Variants in PALMD observed in about 807,000 individuals in gnomAD.
The protein encoded by PALMD is paralemmin-like protein.
PALMD carries 42 observed loss-of-function variants against 56.2 expected under a neutral mutation model. The observed-to-expected ratio is 0.75, with a 90% CI of 0.58 to 0.97. PALMD has a LOEUF of 0.97. PALMD is among the 50% of genes least tolerant of loss of function. The pLI is 0.00. For synonymous variants in PALMD, 242 were observed against 222.9 expected (o/e 1.09, Z -0.76); for missense variants, 660 against 643.8 (o/e 1.03, Z -0.27).
At position 99,688,811 on chromosome 1, in the gene PALMD, T is replaced by C; in HGVS notation, c.551T>C (p.Leu184Ser). The change falls in exon 7 of 8, where the codon TTG becomes TCG. Residue 184 changes from leucine to serine, a missense_variant. By Grantham distance (145) the Leu-to-Ser change is moderately radical. Coordinates refer to ENST00000263174, the MANE Select transcript of PALMD (RefSeq NM_017734.5). The part of the protein sequence containing the change: ...YAMEIKVEKD[L>S]KTGESTVLSS... ...ATGGAAATTAAAGTTGAAAAAGACTTGAAGACTGGAGAAAGTACAGTTCTG... is the reference window on the plus strand; with the variant it reads ...ATGGAAATTAAAGTTGAAAAAGACTCGAAGACTGGAGAAAGTACAGTTCTG... 1.2e-6 allele frequency: 2 copies of C among 1,608,418 alleles called. No individual in the cohort carries two copies.
chr1:99,659,146 A>T (rs1187232728), intron 1 of PALMD, among the ~76,000 whole-genome samples: 1 of 152,240 alleles, frequency 6.6e-6, no homozygotes, highest in African/African-American at 2.4e-5. Flanking sequence ...AATCAATAAT[A>T]TAACTAAAAT....
Position 99,670,658 on chromosome 1 carries a change from C to CAA in PALMD, c.251+2900_251+2901dup, listed in dbSNP as rs201906609. Among the ~76,000 whole-genome samples the CAA allele has an allele frequency of 4.5e-3, 665 of 148,794 alleles. 9 individuals are homozygous for CAA. The highest frequency in any genetic ancestry group is 0.015 in the African/African-American group (629 of 40,684). On this transcript the variant is annotated intron_variant, in intron 3 of 7. Transcript: ENST00000263174. The stretch of plus-strand genomic sequence containing the variant: ...GAATGATCCTAAAAAGATGTATTTG[C>CAA]AAAAAAAAATAGTAAAGAATTTGTT...
At chr1:99,653,742 A>G (rs1571059165) in intron 1 of PALMD, among the ~76,000 whole-genome samples, 1 of 152,090 alleles carries the variant, frequency 6.6e-6, no homozygotes, top group East Asian at 1.9e-4. Flanking sequence ...ACACCCCCCA[A>G]AAAACCCTTT....
intron 7 of PALMD, among the ~76,000 whole-genome samples, chr1:99,693,421 A>G (rs1653706753): frequency 6.6e-6 from 1 of 152,258 alleles, no homozygotes; most frequent in South Asian, 2.1e-4. Flanking sequence ...ATATATTATT[A>G]GCAGAGGAAT....
intron 3 of PALMD, among the ~76,000 whole-genome samples, chr1:99,671,537 G>A (rs140303202): frequency 7.6e-4 from 115 of 152,226 alleles, no homozygotes; most frequent in South Asian, 3.9e-3. Flanking sequence ...AACACTGCAC[G>A]GATCTTTATC....
intron 3 of PALMD, among the ~76,000 whole-genome samples, chr1:99,675,859 G>GC (rs1653199220): frequency 6.6e-6 from 1 of 152,220 alleles, no homozygotes; most frequent in East Asian, 1.9e-4. Context: ...AACGTTGCAT[G>GC]CCTACACGGC....
At position 99,667,769 on chromosome 1, in the gene PALMD, A is replaced by G; in HGVS notation, c.251+3A>G. 6.2e-7 allele frequency: 1 copy of G among 1,613,020 alleles called. No individual in the cohort carries two copies. The highest frequency in any genetic ancestry group is 8.5e-7 in the Non-Finnish European group (1 of 1,179,212). ...GTTCTAGAACAAAGTATCCTCAGGT[A>G]TGGCCCTCACTGAGATACTCCACAA... is the stretch of plus-strand genomic sequence containing the variant. On this transcript the variant is annotated splice_donor_region_variant and intron_variant, in intron 3 of 7. Transcript: ENST00000263174.
Position 99,689,834 on chromosome 1 carries a change from A to G in PALMD, c.1574A>G (p.Gln525Arg), listed in dbSNP as rs1469226246. Reference protein sequence around the residue: ...SPVHHSPFDAQTTGDGTEDPS... With the variant: ...SPVHHSPFDARTTGDGTEDPS... ...GTCCACCATTCCCCATTTGATGCTCAGACAACTGGAGATGGGACTGAGGAT... is the reference window on the plus strand; with the variant it reads ...GTCCACCATTCCCCATTTGATGCTCGGACAACTGGAGATGGGACTGAGGAT... The change falls in exon 7 of 8, where the codon CAG becomes CGG. Residue 525 changes from glutamine to arginine, a missense_variant. Gln to Arg is a conservative substitution (Grantham distance 43, BLOSUM62 1). Coordinates refer to ENST00000263174, the MANE Select transcript of PALMD (RefSeq NM_017734.5). The G allele has an allele frequency of 6.2e-7, 1 of 1,612,008 alleles. No homozygotes were observed. The highest frequency in any genetic ancestry group is 2.2e-5 in the East Asian group (1 of 44,876).
intron 3 of PALMD, among the ~76,000 whole-genome samples, chr1:99,680,569 A>G (rs1653318677): frequency 6.6e-6 from 1 of 152,076 alleles, no homozygotes; most frequent in Admixed American, 6.6e-5. Flanking sequence ...ACCAAACTGA[A>G]TCAGCATTTC....
rs188208353 is a variant in PALMD, at chr1:99,678,236, G to A, written c.252-8440G>A. 9.1e-3 allele frequency among the ~76,000 whole-genome samples: 1,361 copies of A among 150,362 alleles called. 19 individuals are homozygous for A. The highest frequency in any genetic ancestry group is 0.032 in the African/African-American group (1,276 of 40,086). ...CTCCTGACTCAGCCTCCCGAGTACT[G>A]GGATTATATAGGTGCGTGCCACCAT... On this transcript the variant is annotated intron_variant, in intron 3 of 7. Coordinates refer to ENST00000263174, the MANE Select transcript of PALMD (RefSeq NM_017734.5).
intron 2 of PALMD, among the ~76,000 whole-genome samples, chr1:99,663,837 T>C (rs889768708): frequency 6.6e-6 from 1 of 152,186 alleles, no homozygotes; most frequent in African/African-American, 2.4e-5. Context: ...ATTTCTGAAG[T>C]AGCACCTCAT....
intron 7 of PALMD, 26 bp from the exon 8 acceptor site, chr1:99,693,991 ACT>A (rs1653721634): frequency 1.3e-6 from 2 of 1,540,766 alleles, no homozygotes; most frequent in Non-Finnish European, 1.8e-6. Context: ...TTTTTTTATA[ACT>A]CTCTTTTTTT....
intron 1 of PALMD, among the ~76,000 whole-genome samples, chr1:99,647,180 C>A (rs834996): frequency 0.89 from 136,094 of 152,208 alleles, 61,300 homozygotes; most frequent in Non-Finnish European, 0.95. Context: ...ATCATTTATC[C>A]CTAGCTATAA....
At chr1:99,658,781 T>C (rs1437973815) in intron 1 of PALMD, among the ~76,000 whole-genome samples, 1 of 146,124 alleles carries the variant, frequency 6.8e-6, no homozygotes, top group Non-Finnish European at 1.5e-5. Context: ...AAAAAAAAAA[T>C]TAAAAAATAA....
At position 99,664,363 on chromosome 1, in the gene PALMD, T is replaced by C. The variant is rs834981; in HGVS notation, c.126+1964T>C. Among the ~76,000 whole-genome samples, 668 of 152,314 alleles carry C rather than the reference T, an allele frequency of 4.4e-3. 5 individuals are homozygous for C. The highest frequency in any genetic ancestry group is 0.015 in the African/African-American group (635 of 41,566). On this transcript the variant is annotated intron_variant, in intron 2 of 7. Transcript: ENST00000263174. ...AGTCTTAACTGGTAAGTAGAATTTA[T>C]ATGGATGTATATAGGGCCTTTAGTC...
intron 1 of PALMD, among the ~76,000 whole-genome samples, chr1:99,647,356 A>T (rs1652463820): frequency 6.6e-6 from 1 of 152,242 alleles, no homozygotes; most frequent in Non-Finnish European, 1.5e-5. Flanking sequence ...TTTTCATTGC[A>T]TAACTAATTA....
intron 3 of PALMD, among the ~76,000 whole-genome samples, chr1:99,680,535 C>G (rs1008131541): frequency 1.3e-5 from 2 of 152,132 alleles, no homozygotes; most frequent in African/African-American, 2.4e-5. Context: ...GAGGATATTT[C>G]TCTTTCTCTG....
At chr1:99,647,359 A>G (rs929779169) in intron 1 of PALMD, among the ~76,000 whole-genome samples, 2 of 152,244 alleles carry the variant, frequency 1.3e-5, no homozygotes, top group Non-Finnish European at 2.9e-5. Context: ...TCATTGCATA[A>G]CTAATTATGC....
At chr1:99,669,133 T>A (rs1653031635) in intron 3 of PALMD, 1 of 152,230 alleles carries the variant, frequency 6.6e-6, no homozygotes, top group Non-Finnish European at 1.5e-5. Flanking sequence ...ACTGACAACA[T>A]GAAGAAAGTC....
Sources: allele counts gnomAD v4.1 joint callset (sites outside exome capture counted in the v4.1 genomes callset), GRCh38; gene constraint gnomAD v4.1.1; transcripts MANE v1.5; gene names NCBI Gene and HGNC (gene_info 2026-07-23, HGNC 2026-07-21).